Variants in XKR4 observed in about 807,000 individuals in gnomAD.
The protein encoded by XKR4 is XK-related protein 4.
Under a neutral mutation model 53.9 loss-of-function variants are expected in XKR4, and 12 were observed. The observed-to-expected ratio is 0.22, with a 90% CI of 0.14 to 0.36. The LOEUF (loss-of-function observed/expected upper bound fraction) is 0.36. Ranked by LOEUF, XKR4 falls within the 10% of genes least tolerant of loss-of-function variation. XKR4 has a pLI of 1.00. For missense variants in XKR4, 799 were observed against 859.5 expected (o/e 0.93, Z 0.88); for synonymous variants, 354 against 362.4 (o/e 0.98, Z 0.26).
At chr8:55,478,277 G>T (rs1228807809) in intron 2 of XKR4, among the ~76,000 whole-genome samples, 2 of 152,026 alleles carry the variant, frequency 1.3e-5, no homozygotes, top group Non-Finnish European at 2.9e-5. Context: ...TTTCAACCCA[G>T]AATTTCATAT....
intron 2 of XKR4, among the ~76,000 whole-genome samples, chr8:55,361,243 A>G (rs1279205331): frequency 6.6e-6 from 1 of 152,092 alleles, no homozygotes; most frequent in African/African-American, 2.4e-5. Context: ...CCAATCCCTT[A>G]TCCTCACTAG....
intron 1 of XKR4, among the ~76,000 whole-genome samples, chr8:55,281,857 G>T (rs1387324801): frequency 1.3e-5 from 2 of 151,946 alleles, no homozygotes; most frequent in East Asian, 3.9e-4. Flanking sequence ...CTTTCAGACT[G>T]TGTATTAACA....
chr8:55,460,663 G>A (rs1805641624), intron 2 of XKR4, among the ~76,000 whole-genome samples: 4 of 152,158 alleles, frequency 2.6e-5, no homozygotes, highest in African/African-American at 9.7e-5. Context: ...CACCAAGCAT[G>A]AGCCGAAGCA....
chr8:55,326,729 C>T (rs1803300621), intron 1 of XKR4, among the ~76,000 whole-genome samples: 1 of 151,894 alleles, frequency 6.6e-6, no homozygotes, highest in Non-Finnish European at 1.5e-5. Context: ...CCTCGGCCTC[C>T]CAAAGTGCTG....
intron 1 of XKR4, among the ~76,000 whole-genome samples, chr8:55,123,578 G>C (rs1369215117): frequency 6.6e-6 from 1 of 152,202 alleles, no homozygotes; most frequent in Non-Finnish European, 1.5e-5. Context: ...GAACATCTCA[G>C]GAGCAGCTAT....
chr8:55,432,624 C>T (rs139920286), intron 2 of XKR4, among the ~76,000 whole-genome samples: 1 of 152,100 alleles, frequency 6.6e-6, no homozygotes, highest in Non-Finnish European at 1.5e-5. Context: ...AATATGAAAA[C>T]GTTTTGAAGA....
At chr8:55,243,493 C>G (rs535589168) in intron 1 of XKR4, among the ~76,000 whole-genome samples, 90 of 152,268 alleles carry the variant, frequency 5.9e-4, no homozygotes, top group South Asian at 2.1e-3. Context: ...CGGTTGCTTC[C>G]AAGTTTTAGC....
At chr8:55,434,405 C>T (rs2658901) in intron 2 of XKR4, among the ~76,000 whole-genome samples, 38,121 of 141,408 alleles carry the variant, frequency 0.27, 5,177 homozygotes, top group Non-Finnish European at 0.33. Flanking sequence ...TTACTTGATA[C>T]CAATCGTGTG....
chr8:55,161,885 G>T (rs907998184), intron 1 of XKR4, among the ~76,000 whole-genome samples: 2 of 152,130 alleles, frequency 1.3e-5, no homozygotes, highest in Non-Finnish European at 2.9e-5. Context: ...CTGTATTTTT[G>T]ATCAATTCTT....
At chr8:55,320,856 G>GT (rs1195549519) in intron 1 of XKR4, among the ~76,000 whole-genome samples, 1 of 152,080 alleles carries the variant, frequency 6.6e-6, no homozygotes, top group Non-Finnish European at 1.5e-5. Context: ...TTCTGTCGTA[G>GT]TTTTTTATGT....
chr8:55,134,959 T>G (rs144886683), intron 1 of XKR4, among the ~76,000 whole-genome samples: 3,456 of 152,310 alleles, frequency 0.023, 74 homozygotes, highest in Non-Finnish European at 0.032. Flanking sequence ...GGATTTTTTT[T>G]TTTTTAGTTT....
At position 55,475,606 on chromosome 8, in the gene XKR4, ATTTATTTATTTATTTG is replaced by A. The variant is rs1439144459; in HGVS notation, c.1007-47674_1007-47659del. Among the ~76,000 whole-genome samples the A allele has an allele frequency of 1.4e-4, 19 of 131,866 alleles. No homozygotes were observed. The South Asian group carries it at 2.3e-3, about 16-fold the overall frequency. 86.5% of individuals were successfully genotyped at this position (131,866 alleles called of 152,430 possible). On this transcript the variant is annotated intron_variant, in intron 2 of 2. Transcript: ENST00000327381. ...TATTTATTTATTTATTTATTTATTT[ATTTATTTATTTATTTG>A]AGATGGAGTCTCACTCTGTTATCTA...
At chr8:55,243,065 T>C (rs1049833671) in intron 1 of XKR4, among the ~76,000 whole-genome samples, 6 of 152,202 alleles carry the variant, frequency 3.9e-5, no homozygotes, top group African/African-American at 1.2e-4. Flanking sequence ...CACAGCAAAA[T>C]TGAAGAGCAA....
chr8:55,182,526 C>G (rs1219230541), intron 1 of XKR4, among the ~76,000 whole-genome samples: 1 of 152,022 alleles, frequency 6.6e-6, no homozygotes, highest in African/African-American at 2.4e-5. Context: ...ATTTGGATGT[C>G]TAGGGTTTCT....
intron 1 of XKR4, among the ~76,000 whole-genome samples, chr8:55,191,045 G>A (rs533651624): frequency 2.0e-5 from 3 of 152,254 alleles, no homozygotes; most frequent in Admixed American, 1.3e-4. Flanking sequence ...ATCTTTCCTA[G>A]GATTTGGTGA....
rs73606979 is a variant in XKR4, at chr8:55,319,387, C to A, written c.807-38291C>A. Among the ~76,000 whole-genome samples the A allele has an allele frequency of 4.8e-3, 726 of 152,260 alleles. 6 individuals carry two copies. The highest frequency in any genetic ancestry group is 0.016 in the African/African-American group (660 of 41,546). ...TTAACATAACATGAAATAAAAGGAT[C>A]TAAATTCATTTCATGTATCAAATAT... On this transcript the variant is annotated intron_variant, in intron 1 of 2. Transcript: ENST00000327381.
Position 55,289,695 on chromosome 8 carries a change from G to GAA in XKR4, c.807-67982_807-67981insAA, listed in dbSNP as rs778422703. Among the ~76,000 whole-genome samples, 705 of 87,776 alleles carry GAA rather than the reference G, an allele frequency of 8.0e-3. 12 individuals are homozygous for GAA. The highest frequency in any genetic ancestry group is 0.019 in the African/African-American group (573 of 30,310). 57.6% of individuals were successfully genotyped at this position (87,776 alleles called of 152,430 possible). A position where few individuals can be genotyped will look rare whatever the true frequency, so the allele number is the denominator to read the frequency against. ...AAAGAAAGAGAAAGAAAGAAAGAAA[G>GAA]AGAAAGAAAGAAAGAAAGAGAGAGA... On this transcript the variant is annotated intron_variant, in intron 1 of 2. Coordinates refer to ENST00000327381, the MANE Select transcript of XKR4 (RefSeq NM_052898.2).
intron 2 of XKR4, among the ~76,000 whole-genome samples, chr8:55,438,191 A>G (rs1805206290): frequency 6.6e-6 from 1 of 152,176 alleles, no homozygotes; most frequent in Admixed American, 6.5e-5. Flanking sequence ...TCAAAGGGGA[A>G]CACCTAGAGA....
chr8:55,223,713 A>T (rs1817914770), intron 1 of XKR4, among the ~76,000 whole-genome samples: 1 of 152,176 alleles, frequency 6.6e-6, no homozygotes, highest in South Asian at 2.1e-4. Flanking sequence ...ATAGGGATAA[A>T]AGAAATAAAA....
Sources: allele counts gnomAD v4.1 joint callset (sites outside exome capture counted in the v4.1 genomes callset), GRCh38; gene constraint gnomAD v4.1.1; transcripts MANE v1.5; gene names NCBI Gene and HGNC (gene_info 2026-07-23, HGNC 2026-07-21).